Variants in B3GLCT observed in about 807,000 individuals in gnomAD.
B3GLCT encodes beta-1,3-glucosyltransferase.
B3GLCT carries 65 observed loss-of-function variants against 63.4 expected under a neutral mutation model. That is an observed-to-expected ratio of 1.03 (90% CI 0.84 to 1.26). The LOEUF is 1.26. Among genes scored for constraint, B3GLCT ranks in the 50% most tolerant of loss-of-function variants. The pLI is 0.00. For missense variants in B3GLCT, 577 were observed against 604.8 expected (o/e 0.95, Z 0.48); for synonymous variants, 233 against 219.2 (o/e 1.06, Z -0.55).
chr13:31,302,327 A>T (rs1370610468), intron 12 of B3GLCT, among the ~76,000 whole-genome samples: 1 of 152,150 alleles, frequency 6.6e-6, no homozygotes, highest in African/African-American at 2.4e-5. Flanking sequence ...GGAGGAGCCA[A>T]GATGGCCGAA....
intron 4 of B3GLCT, among the ~76,000 whole-genome samples, chr13:31,240,156 C>T (rs1401010693): frequency 6.6e-6 from 1 of 152,134 alleles, no homozygotes; most frequent in Non-Finnish European, 1.5e-5. Flanking sequence ...AATCAGAAGT[C>T]AGGATGCTTA....
At chr13:31,211,999 T>C (rs1869284495) in intron 1 of B3GLCT, among the ~76,000 whole-genome samples, 1 of 152,236 alleles carries the variant, frequency 6.6e-6, no homozygotes. Flanking sequence ...CTACTGGACC[T>C]GTTACATTAA....
At position 31,284,143 on chromosome 13, in the gene B3GLCT, A is replaced by G. The variant is rs189809504; in HGVS notation, c.851-505A>G. Among the ~76,000 whole-genome samples the G allele has an allele frequency of 2.0e-5, 3 of 152,300 alleles. No homozygotes were observed. The East Asian group carries it at 5.8e-4, about 29-fold the overall frequency. On this transcript the variant is annotated intron_variant, in intron 10 of 14. Coordinates refer to ENST00000343307, the MANE Select transcript of B3GLCT (RefSeq NM_194318.4). Reference sequence around the variant, plus strand: ...TAGTTTTGAATGTTAGTACTTCCACATTTTTCAAAAGTACAACATCGTAAT... The same window carrying G: ...TAGTTTTGAATGTTAGTACTTCCACGTTTTTCAAAAGTACAACATCGTAAT...
chr13:31,276,838 A>G (rs1009776912), intron 10 of B3GLCT, 67 bp downstream of exon 10: 4 of 1,187,374 alleles, frequency 3.4e-6, no homozygotes, highest in African/African-American at 1.5e-5. Context: ...AAAAGTACCA[A>G]TGAATTCTTG....
At chr13:31,254,149 AAG>A (rs1299468846) in intron 6 of B3GLCT, among the ~76,000 whole-genome samples, 1 of 152,306 alleles carries the variant, frequency 6.6e-6, no homozygotes, top group Non-Finnish European at 1.5e-5. Flanking sequence ...ACAATAGAAA[AAG>A]AGGGAATCCT....
intron 6 of B3GLCT, among the ~76,000 whole-genome samples, chr13:31,250,452 G>T (rs1488095623): frequency 1.3e-5 from 2 of 152,216 alleles, no homozygotes; most frequent in Admixed American, 6.5e-5. Flanking sequence ...GGGATTACAG[G>T]CATGGAGCCA....
At chr13:31,288,378 C>T (rs554347721) in intron 12 of B3GLCT, among the ~76,000 whole-genome samples, 3 of 152,328 alleles carry the variant, frequency 2.0e-5, no homozygotes, top group Middle Eastern at 3.4e-3. Context: ...AACTTGTCCA[C>T]ACACCTAGCC....
chr13:31,282,018 G>T (rs536161794), intron 10 of B3GLCT, among the ~76,000 whole-genome samples: 43 of 152,120 alleles, frequency 2.8e-4, no homozygotes, highest in African/African-American at 9.9e-4. Flanking sequence ...TTTTTACTTT[G>T]CTCCAAGTTT....
At chr13:31,294,757 C>T (rs1235094771) in intron 12 of B3GLCT, among the ~76,000 whole-genome samples, 2 of 152,200 alleles carry the variant, frequency 1.3e-5, no homozygotes, top group Non-Finnish European at 2.9e-5. Flanking sequence ...TTAGAACATG[C>T]TCCTTTAACT....
At chr13:31,262,766 C>T (rs1270493617) in intron 7 of B3GLCT, among the ~76,000 whole-genome samples, 1 of 152,134 alleles carries the variant, frequency 6.6e-6, no homozygotes, top group Non-Finnish European at 1.5e-5. Context: ...GTTCCTTTTC[C>T]CTTCCTCAAG....
rs976708734 is a variant in B3GLCT, at chr13:31,260,952, T to A, written c.466T>A (p.Phe156Ile). ...TTATATCTTTATTTAACAGGAATGGTTTTTGGGAAAAGCATTACATGATGA... is the reference window on the plus strand; with the variant it reads ...TTATATCTTTATTTAACAGGAATGGATTTTGGGAAAAGCATTACATGATGA... ...LRRYDPSKEW[F>I]LGKALHDEEA... Residue 156 changes from phenylalanine (F) to isoleucine (I), a missense_variant, in exon 7 of 15, where the codon TTT (phenylalanine) becomes ATT (isoleucine). Phe to Ile is a conservative substitution (Grantham distance 21). Coordinates refer to ENST00000343307, the MANE Select transcript of B3GLCT (RefSeq NM_194318.4). The A allele has an allele frequency of 8.7e-6, 14 of 1,612,598 alleles. No homozygotes were observed. Among genetic ancestry groups the A allele is most frequent in the South Asian group, 3.3e-5 (3 of 91,054 alleles).
At chr13:31,212,318 A>G (rs1193405026) in intron 1 of B3GLCT, among the ~76,000 whole-genome samples, 3 of 131,656 alleles carry the variant, frequency 2.3e-5, no homozygotes, top group Non-Finnish European at 3.1e-5. Flanking sequence ...TCTGTCGCCC[A>G]GGCTGGAGTG....
intron 12 of B3GLCT, among the ~76,000 whole-genome samples, chr13:31,308,327 T>G (rs1282591226): frequency 3.3e-4 from 2 of 6,114 alleles, no homozygotes; most frequent in Non-Finnish European, 1.1e-3. Context: ...AAACTTAGAG[T>G]ATAATAAAAA....
intron 7 of B3GLCT, among the ~76,000 whole-genome samples, chr13:31,267,321 G>A (rs1262609919): frequency 1.3e-5 from 2 of 152,224 alleles, no homozygotes; most frequent in African/African-American, 4.8e-5. Context: ...GCCCGGGTAT[G>A]ACTTTTCTGT....
intron 4 of B3GLCT, 85 bp from the exon 5 acceptor site, chr13:31,246,938 T>A: frequency 2.0e-6 from 2 of 1,007,076 alleles, no homozygotes; most frequent in East Asian, 5.4e-5. Context: ...TCTTTTTTCT[T>A]TTCTTTTCTT....
intron 4 of B3GLCT, among the ~76,000 whole-genome samples, chr13:31,245,619 T>C (rs1871164219): frequency 6.6e-6 from 1 of 152,200 alleles, no homozygotes; most frequent in South Asian, 2.1e-4. Flanking sequence ...CATTAGCTAC[T>C]TTTATGTAAA....
chr13:31,272,801 C>G (rs997497858), intron 8 of B3GLCT, among the ~76,000 whole-genome samples: 4 of 152,094 alleles, frequency 2.6e-5, no homozygotes, highest in Non-Finnish European at 5.9e-5. Flanking sequence ...TAGATATTGT[C>G]ATTATTTTAT....
At chr13:31,244,248 T>C (rs867654773) in intron 4 of B3GLCT, among the ~76,000 whole-genome samples, 28 of 152,316 alleles carry the variant, frequency 1.8e-4, no homozygotes, top group African/African-American at 6.3e-4. Flanking sequence ...TCCCAGCACT[T>C]TGGGAGGCCG....
chr13:31,253,834 A>AAAAAATGAT (rs1871576346), intron 6 of B3GLCT, among the ~76,000 whole-genome samples: 2 of 152,074 alleles, frequency 1.3e-5, no homozygotes, highest in Admixed American at 6.5e-5. Flanking sequence ...TAGATGCAAT[A>AAAAAATGAT]AAAAATGATA....
Sources: allele counts gnomAD v4.1 joint callset (sites outside exome capture counted in the v4.1 genomes callset), GRCh38; gene constraint gnomAD v4.1.1; transcripts MANE v1.5; gene names NCBI Gene and HGNC (gene_info 2026-07-23, HGNC 2026-07-21).